Variants in CARD8 observed in about 807,000 individuals in gnomAD.
The protein encoded by CARD8 is caspase recruitment domain family member 8.
In CARD8, 38 loss-of-function variants were observed where a neutral mutation model predicts 53.2. The observed-to-expected ratio is 0.71, with a 90% CI of 0.55 to 0.94. CARD8 has a LOEUF of 0.94. Among genes scored for constraint, CARD8 ranks in the 40% least tolerant of loss-of-function variants. The probability of loss-of-function intolerance (pLI) is 0.00; values close to 1 mark genes in which losing one functional copy is unlikely to be tolerated. For synonymous variants in CARD8, 245 were observed against 244.9 expected (o/e 1.00, Z 0.00); for missense variants, 561 against 655.5 (o/e 0.86, Z 1.57).
downstream of CARD8, among the ~76,000 whole-genome samples, chr19:48,207,734 G>GTTTTTTTTTTTTGTTTTTTTTTTTTT (rs2037430676): frequency 8.6e-6 from 1 of 116,552 alleles, no homozygotes; most frequent in East Asian, 2.2e-4. Flanking sequence ...TTGTTTTTCT[G>GTTTTTTTTTTTTGTTTTTTTTTTTTT]TTTTTTTTTT....
chr19:48,220,181 T>C (rs559612538), intron 11 of CARD8, among the ~76,000 whole-genome samples: 16 of 152,280 alleles, frequency 1.1e-4, no homozygotes, highest in Non-Finnish European at 8.8e-5. Flanking sequence ...TTAATTGCTG[T>C]GGAGTTTATC....
intron 10 of CARD8, among the ~76,000 whole-genome samples, chr19:48,227,812 A>C (rs1388354183): frequency 1.3e-5 from 2 of 152,052 alleles, no homozygotes; most frequent in Non-Finnish European, 2.9e-5. Context: ...CAAAAAAAAA[A>C]AAAAGGAAAG....
At chr19:48,244,390 A>G (rs73578883) in intron 3 of CARD8, among the ~76,000 whole-genome samples, 7,696 of 152,294 alleles carry the variant, frequency 0.051, 653 homozygotes, top group African/African-American at 0.17. Context: ...CCGGCTGACA[A>G]AACTGTGTTA....
intron 5 of CARD8, among the ~76,000 whole-genome samples, chr19:48,235,661 G>C (rs139913968): frequency 1.3e-5 from 2 of 152,266 alleles, no homozygotes; most frequent in Non-Finnish European, 2.9e-5. Flanking sequence ...TGGGATTACA[G>C]TCATGAGCCA....
At chr19:48,222,463 G>T (rs920550011) in intron 10 of CARD8, among the ~76,000 whole-genome samples, 2 of 152,176 alleles carry the variant, frequency 1.3e-5, no homozygotes, top group Non-Finnish European at 2.9e-5. Flanking sequence ...GGCCGAGGTG[G>T]GCAGATCACA....
chr19:48,218,779 G>C, intron 12 of CARD8, 92 bp downstream of exon 12: 1 of 1,349,768 alleles, frequency 7.4e-7, no homozygotes. Flanking sequence ...CTCTGGGAAA[G>C]AACCATAAAC....
At position 48,252,814 on chromosome 19, in the gene CARD8, C is replaced by T. The variant is rs373081155; in HGVS notation, c.-251-2967G>A. Among the ~76,000 whole-genome samples, 108 of 89,784 alleles carry T rather than the reference C, an allele frequency of 1.2e-3. No homozygotes were observed. The Middle Eastern group carries it at 0.017, about 14-fold the overall frequency. 58.9% of individuals were successfully genotyped at this position (89,784 alleles called of 152,430 possible). A position where few individuals can be genotyped will look rare whatever the true frequency, so the allele number is the denominator to read the frequency against. ...CACTGGCCTTATCAGTATATACACACACACACACACACACACACACACATA... is the reference window on the plus strand; with the variant it reads ...CACTGGCCTTATCAGTATATACACATACACACACACACACACACACACATA... On this transcript the variant is annotated intron_variant, in intron 1 of 13. Coordinates refer to ENST00000651546, the MANE Select transcript of CARD8 (RefSeq NM_001184900.3).
At chr19:48,228,257 C>T (rs1413566811) in intron 10 of CARD8, among the ~76,000 whole-genome samples, 6 of 152,266 alleles carry the variant, frequency 3.9e-5, no homozygotes, top group African/African-American at 1.4e-4. Context: ...TCATATATTA[C>T]AATGTAATAA....
At chr19:48,204,142 T>C (rs905307948), downstream of CARD8, 7 of 454,946 alleles carry the variant, frequency 1.5e-5, no homozygotes, top group Admixed American at 2.4e-5. Context: ...CTGCAGTCTC[T>C]GGGTGAGGAG....
intron 3 of CARD8, among the ~76,000 whole-genome samples, chr19:48,246,425 A>G (rs557538287): frequency 5.9e-5 from 9 of 152,220 alleles, no homozygotes; most frequent in African/African-American, 2.2e-4. Context: ...TCTGGAAACT[A>G]TGTGTGTTTA....
chr19:48,207,029 G>A (rs966074217), downstream of CARD8, among the ~76,000 whole-genome samples: 59 of 151,928 alleles, frequency 3.9e-4, no homozygotes, highest in African/African-American at 1.3e-3. Flanking sequence ...TTAGCTGGGC[G>A]TGGTGGTGGG....
chr19:48,247,529 C>G (rs34912050), intron 3 of CARD8, among the ~76,000 whole-genome samples: 5,634 of 151,972 alleles, frequency 0.037, 175 homozygotes, highest in African/African-American at 0.079. Context: ...AACATGTAAA[C>G]TTTCTACTCT....
At chr19:48,228,867 G>A (rs560602234) in intron 10 of CARD8, among the ~76,000 whole-genome samples, 65 of 152,284 alleles carry the variant, frequency 4.3e-4, no homozygotes, top group African/African-American at 1.5e-3. Flanking sequence ...GGCCGGGCGC[G>A]GTGGCTCATG....
At chr19:48,252,492 T>C (rs966022956) in intron 1 of CARD8, among the ~76,000 whole-genome samples, 195 of 144,922 alleles carry the variant, frequency 1.3e-3, no homozygotes, top group African/African-American at 4.6e-3. Flanking sequence ...ATATATAATA[T>C]ATATAATTTT....
rs562530172 is a variant in CARD8, at chr19:48,244,626, T to C, written c.-43-3563A>G. ...GTGTGGATCCTTGAAAACAGAGAAA[T>C]GCCCTAATGTGACAGAGTACAGAAA... is the stretch of plus-strand genomic sequence containing the variant. On this transcript the variant is annotated intron_variant, in intron 3 of 13. Coordinates refer to ENST00000651546, the MANE Select transcript of CARD8 (RefSeq NM_001184900.3). Among the ~76,000 whole-genome samples, 12 of 152,094 alleles carry C rather than the reference T, an allele frequency of 7.9e-5. No individual in the cohort carries two copies. The South Asian group carries it at 2.5e-3, about 32-fold the overall frequency.
At chr19:48,214,036 G>A (rs145863265) in intron 13 of CARD8, among the ~76,000 whole-genome samples, 1 of 152,164 alleles carries the variant, frequency 6.6e-6, no homozygotes, top group Non-Finnish European at 1.5e-5. Flanking sequence ...TTCCCCAGAC[G>A]CAAGATATTA....
downstream of CARD8, among the ~76,000 whole-genome samples, chr19:48,207,579 T>G (rs1391342210): frequency 6.6e-6 from 1 of 152,190 alleles, no homozygotes; most frequent in African/African-American, 2.4e-5. Context: ...CTGTAACATT[T>G]TACTCATAAC....
chr19:48,217,047 C>T (rs577825417), intron 12 of CARD8, among the ~76,000 whole-genome samples: 20 of 152,174 alleles, frequency 1.3e-4, no homozygotes, highest in African/African-American at 4.3e-4. Flanking sequence ...CACCCTAGAT[C>T]CCTCGCCTGC....
intron 4 of CARD8, 134 bp downstream of exon 4, chr19:48,240,828 G>T: frequency 1.3e-6 from 1 of 744,848 alleles, no homozygotes; most frequent in Non-Finnish European, 2.2e-6. Flanking sequence ...TTCATGCAGA[G>T]ATGGGTGAAT....
Sources: allele counts gnomAD v4.1 joint callset (sites outside exome capture counted in the v4.1 genomes callset), GRCh38; gene constraint gnomAD v4.1.1; transcripts MANE v1.5; gene names NCBI Gene and HGNC (gene_info 2026-07-23, HGNC 2026-07-21).